OTOG: variants seen among roughly 807,000 people sequenced by gnomAD.
OTOG encodes otogelin.
In OTOG, 296 loss-of-function variants were observed where a neutral mutation model predicts 313.8. The ratio of observed to expected loss-of-function variants is 0.94; its 90% CI spans 0.86 to 1.04. The LOEUF (loss-of-function observed/expected upper bound fraction) is 1.04. Ranked by LOEUF, OTOG falls within the 50% of genes least tolerant of loss-of-function variation. The probability of loss-of-function intolerance (pLI) is 0.00; values close to 1 mark genes in which losing one functional copy is unlikely to be tolerated. For synonymous variants in OTOG, 1,533 were observed against 1,554.9 expected (o/e 0.99, Z 0.33); for missense variants, 3,948 against 3,840.1 (o/e 1.03, Z -0.74).
At chr11:17,641,530 T>C (rs1259010952) in intron 51 of OTOG, among the ~76,000 whole-genome samples, 1 of 152,168 alleles carries the variant, frequency 6.6e-6, no homozygotes, top group Non-Finnish European at 1.5e-5. Context: ...AAACTGAGGC[T>C]TAGGGAGACT....
chr11:17,617,371 T>A (rs181693855), intron 39 of OTOG, among the ~76,000 whole-genome samples: 190 of 152,350 alleles, frequency 1.2e-3, no homozygotes, highest in African/African-American at 4.3e-3. Context: ...GAAAATTATA[T>A]GTAGACTTGG....
chr11:17,608,944 G>T (rs992749074), intron 34 of OTOG, among the ~76,000 whole-genome samples, 186 bp from the exon 35 acceptor site: 10 of 152,170 alleles, frequency 6.6e-5, no homozygotes, highest in African/African-American at 2.4e-4. Flanking sequence ...TACACATTGG[G>T]TGTGTGTGCT....
At chr11:17,622,524 A>ACC (rs1853889372) in intron 39 of OTOG, among the ~76,000 whole-genome samples, 1 of 151,318 alleles carries the variant, frequency 6.6e-6, no homozygotes, top group South Asian at 2.1e-4. Context: ...CTCTTCCTCA[A>ACC]CCCCTCCACT....
At chr11:17,632,322 T>C in intron 42 of OTOG, 96 bp downstream of exon 42, 6 of 1,272,632 alleles carry the variant, frequency 4.7e-6, no homozygotes, top group Non-Finnish European at 6.3e-6. Flanking sequence ...TCATGTATGC[T>C]TTCCCAGCTT....
At position 17,606,144 on chromosome 11, in the gene OTOG, C is replaced by A. The variant is rs1389619428; in HGVS notation, c.4156+9C>A. ...ACTCTTCCGCCTTCTGGGTAGGCGA[C>A]CCCCTGCCATTGCCCTCGGCCCTTT... is the stretch of plus-strand genomic sequence containing the variant. On this transcript the variant is annotated intron_variant, in intron 33 of 55. Coordinates refer to ENST00000399397, the MANE Select transcript of OTOG (RefSeq NM_001292063.2). The A allele has an allele frequency of 1.3e-6, 2 of 1,520,642 alleles. No homozygotes were observed. Among genetic ancestry groups the A allele is most frequent in the Admixed American group, 2.0e-5 (1 of 49,928 alleles). 94.2% of individuals were successfully genotyped at this position (1,520,642 alleles called of 1,614,324 possible).
At chr11:17,568,737 C>T (rs183759700) in intron 15 of OTOG, among the ~76,000 whole-genome samples, 25 of 152,278 alleles carry the variant, frequency 1.6e-4, no homozygotes, top group Admixed American at 7.8e-4. Context: ...CATTTCCTGC[C>T]TGCCTGTCAG....
At chr11:17,582,103 A>G (rs1235678964) in intron 23 of OTOG, among the ~76,000 whole-genome samples, 4 of 152,178 alleles carry the variant, frequency 2.6e-5, no homozygotes, top group Non-Finnish European at 4.4e-5. Context: ...CTTTTAGTGT[A>G]TGGTTTGATG....
rs530120539 is a variant in OTOG at position 17,584,334 on chromosome 11, T to G, written c.2760-2140T>G. On this transcript the variant is annotated intron_variant, in intron 23 of 55. Coordinates refer to ENST00000399397, the MANE Select transcript of OTOG (RefSeq NM_001292063.2). ...GTGCTGTATTGGACTTACAGTATAC[T>G]TTTGAATAGAAGTGATGGAAGTAAA... Among the ~76,000 whole-genome samples, 5 of 152,372 alleles carry G rather than the reference T, an allele frequency of 3.3e-5. No individual in the cohort carries two copies. In the East Asian group the frequency reaches 9.6e-4, roughly 29 times the overall value.
chr11:17,613,115 G>A (rs773175787), intron 38 of OTOG, among the ~76,000 whole-genome samples: 4 of 152,050 alleles, frequency 2.6e-5, no homozygotes, highest in Non-Finnish European at 5.9e-5. Flanking sequence ...TCTCCTACTA[G>A]GATGTCCCCA....
chr11:17,588,427 G>A (rs118066678), intron 24 of OTOG, among the ~76,000 whole-genome samples: 326 of 151,828 alleles, frequency 2.1e-3, no homozygotes, highest in Non-Finnish European at 4.0e-3. Context: ...CACCATGGTC[G>A]GCAGCATGGT....
rs1256702344 is a variant in OTOG at position 17,633,830 on chromosome 11, T to TA, written c.7224dup (p.His2409ThrfsTer18). 6.5e-7 allele frequency: 1 copy of TA among 1,549,642 alleles called. No individual in the cohort carries two copies. Among genetic ancestry groups the TA allele is most frequent in the Non-Finnish European group, 8.7e-7 (1 of 1,146,724 alleles). ...TGCGTCTGCTCCGAGGGCACCATCT[T>TA]ACACCGGCGCCACTCTGCACTCTGC... On this transcript the variant is annotated frameshift_variant, in exon 43 of 56. Transcript: ENST00000399397. LOFTEE classifies it high-confidence loss of function.
At position 17,612,123 on chromosome 11, in the gene OTOG, C is replaced by T. The variant is rs774622818; in HGVS notation, c.6124-39C>T. 25 of 1,547,214 alleles carry T rather than the reference C, an allele frequency of 1.6e-5. No individual in the cohort carries two copies. In the East Asian group the frequency reaches 4.2e-4, roughly 26 times the overall value. On this transcript the variant is annotated intron_variant, in intron 36 of 55. Coordinates refer to ENST00000399397, the MANE Select transcript of OTOG (RefSeq NM_001292063.2). ...ACAGCTTGCAGGGTGGGCTGTAGCT[C>T]CTTGATGGTCACTCACACTTCCTCC...
Position 17,559,174 on chromosome 11 carries a change from C to A in OTOG, c.1213+13C>A. 2 of 1,527,232 alleles carry A rather than the reference C, an allele frequency of 1.3e-6. No individual in the cohort carries two copies. Among genetic ancestry groups the A allele is most frequent in the South Asian group, 1.2e-5 (1 of 83,222 alleles). The allele number at this position is 1,527,232 out of a possible 1,614,324, so 94.6% of individuals were successfully genotyped here. A position where few individuals can be genotyped will look rare whatever the true frequency, so the allele number is the denominator to read the frequency against. The stretch of plus-strand genomic sequence containing the variant: ...CTCCGGCAATGCAGTAGGTGCAGCC[C>A]AGTAGTGGGGCAGGGAGGCCTTCAG... On this transcript the variant is annotated intron_variant, in intron 11 of 55. Transcript: ENST00000399397.
intron 39 of OTOG, among the ~76,000 whole-genome samples, chr11:17,623,212 G>A (rs144992021): frequency 0.01 from 1,529 of 152,004 alleles, 29 homozygotes; most frequent in African/African-American, 0.035. Context: ...AACTCATATC[G>A]CAGGAGTTTG....
Position 17,570,275 on chromosome 11 carries a change from C to G in OTOG, c.1840C>G (p.Arg614Gly). 6.4e-7 allele frequency: 1 copy of G among 1,550,820 alleles called. No homozygotes were observed. Among genetic ancestry groups the G allele is most frequent in the Non-Finnish European group, 8.7e-7 (1 of 1,147,030 alleles). ...GCGGGTGAGGACGAACGTGGGCGTGCGGGTGCTCTACGACCGTGAAGGGCT... is the reference window on the plus strand; with the variant it reads ...GCGGGTGAGGACGAACGTGGGCGTGGGGGTGCTCTACGACCGTGAAGGGCT... ...FLRVRTNVGV[R>G]VLYDREGLRL... The change falls in exon 17 of 56, where the codon CGG (arginine) becomes GGG (glycine). Residue 614 changes from arginine (R) to glycine (G), a missense_variant. Arg to Gly is a moderately radical substitution (Grantham distance 125). Transcript: ENST00000399397.
chr11:17,558,214 G>T lies in OTOG; in HGVS notation c.895G>T (p.Val299Leu). 6.4e-7 allele frequency: 1 copy of T among 1,550,520 alleles called. No individual in the cohort carries two copies. Among genetic ancestry groups the T allele is most frequent in the Non-Finnish European group, 8.7e-7 (1 of 1,146,950 alleles). ...GCTGACTGACGACGTGGTTGAGTTT[G>T]TGCACAGCTGGCAGGAGCAGGCCCC... The part of the protein sequence containing the change: ...GKLTDDVVEF[V>L]HSWQEQAPNQ... The change falls in exon 9 of 56, where the codon GTG becomes TTG. Residue 299 changes from valine to leucine, a missense_variant. Val to Leu is a conservative substitution (Grantham distance 32, BLOSUM62 1). Coordinates refer to ENST00000399397, the MANE Select transcript of OTOG (RefSeq NM_001292063.2).
At chr11:17,583,019 G>A (rs978094958) in intron 23 of OTOG, among the ~76,000 whole-genome samples, 1 of 151,404 alleles carries the variant, frequency 6.6e-6, no homozygotes, top group Non-Finnish European at 1.5e-5. Context: ...TTTCTGATGA[G>A]GTCTAATTTA....
Position 17,593,174 on chromosome 11 carries a change from T to A in OTOG, c.3007-19T>A. On this transcript the variant is annotated intron_variant, in intron 25 of 55. Transcript: ENST00000399397. ...TCCTTTCTCCCTTGTTTTATTGGAC[T>A]CACTTATTCTCTCCTCAGAGCACAT... The A allele has an allele frequency of 6.5e-7, 1 of 1,542,690 alleles. No homozygotes were observed. Among genetic ancestry groups the A allele is most frequent in the Admixed American group, 2.0e-5 (1 of 50,352 alleles).
At chr11:17,593,409 T>C (rs932275991) in intron 26 of OTOG, 82 bp downstream of exon 26, 11 of 1,491,786 alleles carry the variant, frequency 7.4e-6, no homozygotes, top group South Asian at 1.3e-5. Context: ...AGGACTGGCT[T>C]CCTTACCATA....
Sources: gnomAD v4.1 joint callset for allele counts (sites outside exome capture counted in the v4.1 genomes callset) on GRCh38, gnomAD v4.1.1 for gene constraint, MANE v1.5 for transcripts, NCBI Gene and HGNC (gene_info 2026-07-23, HGNC 2026-07-21) for gene names.